The following TRIO variants were observed in gnomAD, a reference collection of about 807,000 sequenced individuals.
TRIO encodes the protein triple functional domain protein.
TRIO carries 58 observed loss-of-function variants against 351.9 expected under a neutral mutation model. The ratio of observed to expected loss-of-function variants is 0.16; its 90% CI spans 0.13 to 0.21. TRIO has a LOEUF of 0.21. Among genes scored for constraint, TRIO ranks in the 10% least tolerant of loss-of-function variants. The pLI, the probability that TRIO is intolerant of heterozygous loss-of-function variation, is 1.00. For synonymous variants in TRIO, 1,758 were observed against 1,595.7 expected (o/e 1.10, Z -2.42); for missense variants, 3,201 against 4,027.8 (o/e 0.79, Z 5.56).
At chr5:14,241,101 A>G (rs1033390789) in intron 1 of TRIO, among the ~76,000 whole-genome samples, 1 of 152,234 alleles carries the variant, frequency 6.6e-6, no homozygotes, top group African/African-American at 2.4e-5. Context: ...TGTTAGAATT[A>G]AGGCTTTTAA....
chr5:14,437,324 A>C (rs1405146747), intron 34 of TRIO, among the ~76,000 whole-genome samples: 1 of 152,200 alleles, frequency 6.6e-6, no homozygotes, highest in African/African-American at 2.4e-5. Flanking sequence ...TATACAATCA[A>C]AAAGCTGTTT....
intron 7 of TRIO, among the ~76,000 whole-genome samples, chr5:14,300,368 T>TG (rs1263045844): frequency 1.3e-5 from 2 of 152,232 alleles, no homozygotes; most frequent in Non-Finnish European, 2.9e-5. Context: ...AATAGCAAGA[T>TG]GATAAAATCA....
chr5:14,397,559 G>A (rs896193878), intron 29 of TRIO, among the ~76,000 whole-genome samples: 1 of 152,228 alleles, frequency 6.6e-6, no homozygotes, highest in Non-Finnish European at 1.5e-5. Flanking sequence ...CTGGAACATA[G>A]TAGGCACCAG....
chr5:14,392,916 C>T (rs896560634), intron 27 of TRIO, among the ~76,000 whole-genome samples: 2 of 151,920 alleles, frequency 1.3e-5, no homozygotes, highest in African/African-American at 2.4e-5. Context: ...AGCGTGGTGG[C>T]GGGCACCTGT....
At chr5:14,397,365 A>G (rs1747695072) in intron 29 of TRIO, 1 of 488,300 alleles carries the variant, frequency 2.0e-6, no homozygotes, top group African/African-American at 2.0e-5. Flanking sequence ...CCTTCACTGG[A>G]AAACAGCCTC....
chr5:14,205,840 C>T (rs564738951), intron 1 of TRIO, among the ~76,000 whole-genome samples: 3 of 151,318 alleles, frequency 2.0e-5, no homozygotes, highest in Non-Finnish European at 4.4e-5. Flanking sequence ...TTAAGCGATT[C>T]TCGTGCCTCA....
intron 1 of TRIO, among the ~76,000 whole-genome samples, chr5:14,157,541 C>CCCTGTCTCTCTCTCTCTA (rs1354578231): frequency 2.7e-5 from 4 of 150,066 alleles, no homozygotes; most frequent in Admixed American, 2.6e-4. Flanking sequence ...CCCTCTCTCT[C>CCCTGTCTCTCTCTCTCTA]CCTGTCTCTC....
At chr5:14,376,398 C>T (rs1745560793) in intron 19 of TRIO, among the ~76,000 whole-genome samples, 1 of 152,138 alleles carries the variant, frequency 6.6e-6, no homozygotes, top group Admixed American at 6.5e-5. Context: ...CTACTGGTAA[C>T]CACTGTCAAG....
intron 34 of TRIO, among the ~76,000 whole-genome samples, chr5:14,450,001 A>C (rs536166124): frequency 1.3e-5 from 2 of 152,362 alleles, no homozygotes; most frequent in African/African-American, 4.8e-5. Flanking sequence ...TCAGCTTGAG[A>C]GGAAAAATGA....
At chr5:14,179,971 C>T (rs1332282932) in intron 1 of TRIO, among the ~76,000 whole-genome samples, 4 of 151,678 alleles carry the variant, frequency 2.6e-5, no homozygotes, top group South Asian at 2.1e-4. Flanking sequence ...CGTGGTGGCA[C>T]GCGCCTATAA....
chr5:14,497,052 C>T lies in TRIO; in HGVS notation c.8019+35C>T. 1.2e-6 allele frequency: 2 copies of T among 1,609,470 alleles called. No individual in the cohort carries two copies. The highest frequency in any genetic ancestry group is 1.7e-6 in the Non-Finnish European group (2 of 1,177,416). ...GGGGTCTTCAGGAGTCCGTGTCATC[C>T]CAGCATGAGAGAAAGGATCAGGGAG... On this transcript the variant is annotated intron_variant, in intron 50 of 56. Coordinates refer to ENST00000344204, the MANE Select transcript of TRIO (RefSeq NM_007118.4). The surrounding 1 kb of genome is among the most constrained non-coding windows in gnomAD (Gnocchi z 4.4).
chr5:14,222,070 C>T (rs151900), intron 1 of TRIO, among the ~76,000 whole-genome samples: 67,382 of 151,742 alleles, frequency 0.44, 16,991 homozygotes, highest in Non-Finnish European at 0.56. Context: ...ATCCACATCG[C>T]GGCAAGACCC....
At chr5:14,468,270 T>G (rs1391714207) in intron 37 of TRIO, among the ~76,000 whole-genome samples, 2 of 152,276 alleles carry the variant, frequency 1.3e-5, no homozygotes, top group Admixed American at 1.3e-4. Context: ...CTCACTTCAG[T>G]GGGCATAAAG....
chr5:14,430,045 G>A (rs1750961687), intron 34 of TRIO, among the ~76,000 whole-genome samples: 2 of 152,202 alleles, frequency 1.3e-5, no homozygotes, highest in Admixed American at 6.5e-5. Context: ...CAGCGCTGCG[G>A]GAGATACCCT....
intron 34 of TRIO, among the ~76,000 whole-genome samples, chr5:14,437,062 A>G (rs944533670): frequency 2.6e-5 from 4 of 152,058 alleles, no homozygotes; most frequent in Non-Finnish European, 5.9e-5. Context: ...CTTTATTCTA[A>G]CCTTCTTCCT....
intron 1 of TRIO, among the ~76,000 whole-genome samples, chr5:14,231,185 A>C: frequency 6.6e-6 from 1 of 152,216 alleles, no homozygotes; most frequent in East Asian, 1.9e-4. Flanking sequence ...GAAAAAGTCC[A>C]TTTTAAAATA....
At chr5:14,362,999 TAC>T (rs1491110904) in intron 13 of TRIO, among the ~76,000 whole-genome samples, 3 of 126,510 alleles carry the variant, frequency 2.4e-5, no homozygotes, top group Admixed American at 1.9e-4. Context: ...GTTTTCTATC[TAC>T]TTTTTTTTTT....
chr5:14,307,293 C>T (rs1738458773), intron 8 of TRIO, among the ~76,000 whole-genome samples: 1 of 152,184 alleles, frequency 6.6e-6, no homozygotes, highest in Non-Finnish European at 1.5e-5. Flanking sequence ...CCTATTTCCC[C>T]AAGTGTTCCA....
intron 1 of TRIO, among the ~76,000 whole-genome samples, chr5:14,254,733 C>T (rs1794934623): frequency 6.6e-6 from 1 of 152,150 alleles, no homozygotes; most frequent in Admixed American, 6.6e-5. Flanking sequence ...CCTCTCGGAC[C>T]CTCATAGCAA....
Sources: gnomAD v4.1 joint callset for allele counts (sites outside exome capture counted in the v4.1 genomes callset) on GRCh38, gnomAD v4.1.1 for gene constraint, Gnocchi (gnomAD v3.1) non-coding constraint, MANE v1.5 for transcripts, NCBI Gene and HGNC (gene_info 2026-07-23, HGNC 2026-07-21) for gene names.